The following PTPN12 variants were observed in gnomAD, a reference collection of about 807,000 sequenced individuals.
PTPN12 encodes the protein protein tyrosine phosphatase non-receptor type 12, also known as tyrosine-protein phosphatase non-receptor type 12.
In PTPN12, 29 loss-of-function variants were observed where a neutral mutation model predicts 97.6. The ratio of observed to expected loss-of-function variants is 0.30; its 90% CI spans 0.22 to 0.41. The LOEUF (loss-of-function observed/expected upper bound fraction) is 0.41. Among genes scored for constraint, PTPN12 ranks in the 10% least tolerant of loss-of-function variants. The pLI is 1.00. For synonymous variants in PTPN12, 327 were observed against 300.4 expected, an observed-to-expected ratio of 1.09 and a Z score of -0.91; for missense variants, 819 against 926.0, an observed-to-expected ratio of 0.88 and a Z score of 1.50.
chr7:77,585,358 G>A (rs532559814), intron 4 of PTPN12, 185 bp from the exon 5 acceptor site: 2 of 513,462 alleles, frequency 3.9e-6, no homozygotes, highest in African/African-American at 3.9e-5. Flanking sequence ...TGTATAGTTA[G>A]CCCTTGTTTG....
At chr7:77,630,973 A>C (rs937652074) in intron 13 of PTPN12, among the ~76,000 whole-genome samples, 5 of 152,228 alleles carry the variant, frequency 3.3e-5, no homozygotes, top group Admixed American at 6.5e-5. Flanking sequence ...GAGAACTGCC[A>C]TGAGAGAAAA....
chr7:77,548,399 T>C (rs1040222958), intron 1 of PTPN12, among the ~76,000 whole-genome samples: 1 of 152,220 alleles, frequency 6.6e-6, no homozygotes, highest in African/African-American at 2.4e-5. Flanking sequence ...TACAAAACCA[T>C]GAAGAATAAC....
At chr7:77,574,389 T>C (rs1358150978) in intron 2 of PTPN12, among the ~76,000 whole-genome samples, 3 of 152,222 alleles carry the variant, frequency 2.0e-5, no homozygotes, top group Non-Finnish European at 2.9e-5. Context: ...AGTACTGTTA[T>C]GTGCCATTTT....
At position 77,541,465 on chromosome 7, in the gene PTPN12, G is replaced by C. The variant is rs73703400; in HGVS notation, c.99+3820G>C. On this transcript the variant is annotated intron_variant, in intron 1 of 17. Coordinates refer to ENST00000248594, the MANE Select transcript of PTPN12 (RefSeq NM_002835.4). The stretch of plus-strand genomic sequence containing the variant: ...TATTTAGGTCATTCTACTTTCTGCT[G>C]TTACATATAGTAATTCTGTGATTAA... Among the ~76,000 whole-genome samples, 1,077 of 152,214 alleles carry C rather than the reference G, an allele frequency of 7.1e-3. 12 individuals are homozygous for C. The highest frequency in any genetic ancestry group is 0.025 in the African/African-American group (1,018 of 41,528).
At chr7:77,583,815 A>C in intron 4 of PTPN12, 165 bp downstream of exon 4, 2 of 471,116 alleles carry the variant, frequency 4.2e-6, no homozygotes, top group Non-Finnish European at 3.7e-6. Context: ...TGTCTCATTA[A>C]ATTTTTACAA....
At chr7:77,542,820 GAC>G in intron 1 of PTPN12, among the ~76,000 whole-genome samples, 1 of 152,302 alleles carries the variant, frequency 6.6e-6, no homozygotes, top group Middle Eastern at 3.4e-3. Flanking sequence ...GTGCCTCTGA[GAC>G]ATCCAGTAGA....
chr7:77,604,098 C>CA (rs1788275210), intron 8 of PTPN12, among the ~76,000 whole-genome samples: 1 of 150,884 alleles, frequency 6.6e-6, no homozygotes, highest in Non-Finnish European at 1.5e-5. Flanking sequence ...CTATGTTGGC[C>CA]AGACTGGTCT....
chr7:77,548,418 A>G lies in PTPN12; in HGVS notation c.99+10773A>G, dbSNP rs182714481. On this transcript the variant is annotated intron_variant, in intron 1 of 17. Coordinates refer to ENST00000248594, the MANE Select transcript of PTPN12 (RefSeq NM_002835.4). Reference sequence around the variant, plus strand: ...AAACCATGAAGAATAACTTCTCTAGACACCTTCTTCCCCATTGTGTATGTT... The same window carrying G: ...AAACCATGAAGAATAACTTCTCTAGGCACCTTCTTCCCCATTGTGTATGTT... Among the ~76,000 whole-genome samples the G allele has an allele frequency of 5.9e-5, 9 of 152,336 alleles. No individual in the cohort carries two copies. In the East Asian group the frequency reaches 1.7e-3, roughly 29 times the overall value.
At chr7:77,610,056 C>G (rs1419151842) in intron 9 of PTPN12, among the ~76,000 whole-genome samples, 3 of 152,216 alleles carry the variant, frequency 2.0e-5, no homozygotes, top group African/African-American at 2.4e-5. Flanking sequence ...CTCACTCTTT[C>G]AGACTGTCCT....
At chr7:77,622,881 A>G (rs193246734) in intron 12 of PTPN12, among the ~76,000 whole-genome samples, 198 of 152,106 alleles carry the variant, frequency 1.3e-3, no homozygotes, top group South Asian at 2.5e-3. Context: ...AAAGAAATTC[A>G]TTCATTTCAA....
intron 1 of PTPN12, among the ~76,000 whole-genome samples, chr7:77,560,755 C>T (rs1297302638): frequency 6.6e-6 from 1 of 152,200 alleles, no homozygotes; most frequent in East Asian, 1.9e-4. Flanking sequence ...TTGAAAAATA[C>T]TGCATTGTAT....
chr7:77,622,977 A>G (rs554639540), intron 12 of PTPN12, among the ~76,000 whole-genome samples: 2 of 151,540 alleles, frequency 1.3e-5, no homozygotes, highest in East Asian at 1.9e-4. Flanking sequence ...TGAACTAATA[A>G]TAGTCTAAAA....
chr7:77,547,812 A>C (rs532641165), intron 1 of PTPN12, among the ~76,000 whole-genome samples: 14 of 152,338 alleles, frequency 9.2e-5, no homozygotes, highest in Non-Finnish European at 1.8e-4. Context: ...AAAGGCAACA[A>C]CACTTTCAAA....
intron 1 of PTPN12, among the ~76,000 whole-genome samples, chr7:77,552,300 G>GTTT (rs71981947): frequency 7.6e-5 from 11 of 144,928 alleles, no homozygotes; most frequent in African/African-American, 2.0e-4. Flanking sequence ...TTTAAAGTAT[G>GTTT]TTTTTTTTTT....
intron 1 of PTPN12, among the ~76,000 whole-genome samples, chr7:77,542,668 C>CT (rs1807034170): frequency 1.3e-5 from 2 of 152,144 alleles, no homozygotes; most frequent in Admixed American, 6.5e-5. Context: ...AGCTTGGTAT[C>CT]TGTCACCCAA....
At chr7:77,630,045 C>T (rs530939258) in intron 13 of PTPN12, among the ~76,000 whole-genome samples, 1 of 151,474 alleles carries the variant, frequency 6.6e-6, no homozygotes, top group Admixed American at 6.6e-5. Flanking sequence ...AATCACTATA[C>T]ATGTGATTTC....
intron 2 of PTPN12, among the ~76,000 whole-genome samples, chr7:77,572,003 A>T (rs563379196): frequency 1.8e-4 from 27 of 151,900 alleles, no homozygotes; most frequent in African/African-American, 6.5e-4. Context: ...CTTCATAAGT[A>T]TTTTGAAATA....
chr7:77,568,650 G>GTGAA (rs945879163), intron 1 of PTPN12, among the ~76,000 whole-genome samples: 3 of 152,126 alleles, frequency 2.0e-5, no homozygotes, highest in Non-Finnish European at 4.4e-5. Flanking sequence ...CTGTGAATGA[G>GTGAA]TGAATGAATG....
Position 77,626,790 on chromosome 7 carries a change from C to A in PTPN12, c.1111C>A (p.Pro371Thr), listed in dbSNP as rs1489691346. Residue 371 changes from proline to threonine, a missense_variant, in exon 13 of 18, where the codon CCT becomes ACT. Pro to Thr is a conservative substitution (Grantham distance 38, BLOSUM62 -1). Around this residue, in one of 5 missense-constraint regions of PTPN12, gnomAD observed 607 missense variants for 577.3 expected, o/e 1.05. Coordinates refer to ENST00000248594, the MANE Select transcript of PTPN12 (RefSeq NM_002835.4). The part of the protein sequence containing the change: ...PVPPILTPSP[P>T]SAFPTVTTVW... ...GCCACCCATCTTGACACCTTCTCCCCCTTCAGCTTTTCCAACAGTCACTAC... is the reference window on the plus strand; with the variant it reads ...GCCACCCATCTTGACACCTTCTCCCACTTCAGCTTTTCCAACAGTCACTAC... The A allele has an allele frequency of 6.2e-7, 1 of 1,613,982 alleles. No homozygotes were observed. The highest frequency in any genetic ancestry group is 8.5e-7 in the Non-Finnish European group (1 of 1,179,896).
Sources: allele counts gnomAD v4.1 joint callset (sites outside exome capture counted in the v4.1 genomes callset), GRCh38; gene constraint gnomAD v4.1.1; regional missense constraint gnomAD v4.1.1; transcripts MANE v1.5; gene names NCBI Gene and HGNC (gene_info 2026-07-23, HGNC 2026-07-21).